LTBP2: variants seen among roughly 807,000 people sequenced by gnomAD.
LTBP2 encodes latent transforming growth factor beta binding protein 2, also known as latent-transforming growth factor beta-binding protein 2.
Under a neutral mutation model 210.6 loss-of-function variants are expected in LTBP2, and 103 were observed. The ratio of observed to expected loss-of-function variants is 0.49; its 90% CI spans 0.42 to 0.58. The LOEUF (loss-of-function observed/expected upper bound fraction) is 0.58, where lower values mean the gene tolerates loss of function less well. LTBP2 is among the 20% of genes least tolerant of loss of function. The pLI is 0.00. For missense variants in LTBP2, 2,313 were observed against 2,494.5 expected (o/e 0.93, Z 1.55); for synonymous variants, 1,007 against 1,015.0 (o/e 0.99, Z 0.15).
rs2087046749 is a variant in LTBP2, at chr14:74,509,807, G to T, written c.3204C>A (p.Asn1068Lys). Residue 1068 changes from asparagine (N) to lysine (K), a missense_variant, in exon 21 of 36, where the codon AAC (asparagine) becomes AAA (lysine). Physicochemically the swap from Asn to Lys is moderately conservative, Grantham distance 94. Coordinates refer to ENST00000261978, the MANE Select transcript of LTBP2 (RefSeq NM_000428.3). ...RASCPTGLCL[N>K]TEGSFACSAC... Reference sequence around the variant, plus strand: ...CAGAGCAGGCGAAGGAGCCCTCCGTGTTGAGGCAGAGGCCTGTGGGGCATG... The same window carrying T: ...CAGAGCAGGCGAAGGAGCCCTCCGTTTTGAGGCAGAGGCCTGTGGGGCATG... The T allele has an allele frequency of 1.2e-6, 2 of 1,613,990 alleles. No individual in the cohort carries two copies. Among genetic ancestry groups the T allele is most frequent in the South Asian group, 2.2e-5 (2 of 91,092 alleles).
intron 3 of LTBP2, among the ~76,000 whole-genome samples, chr14:74,560,596 C>A (rs1406895241): frequency 6.6e-6 from 1 of 152,210 alleles, no homozygotes; most frequent in African/African-American, 2.4e-5. Context: ...GTGCCCTCTA[C>A]CCCATTCACC....
At position 74,501,552 on chromosome 14, in the gene LTBP2, A is replaced by G. The variant is rs759927089; in HGVS notation, c.5209T>C (p.Cys1737Arg). 6.2e-7 allele frequency: 1 copy of G among 1,613,758 alleles called. No individual in the cohort carries two copies. The highest frequency in any genetic ancestry group is 1.1e-5 in the South Asian group (1 of 91,052). The change falls in exon 35 of 36, where the codon TGC (cysteine) becomes CGC (arginine). Residue 1737 changes from cysteine (C) to arginine (R), a missense_variant. Physicochemically the swap from Cys to Arg is radical, Grantham distance 180 (BLOSUM62 -3). Transcript: ENST00000261978. ...TTCTCACAGCCGTTCAGGATGCCGC[A>G]CTCCTCCGCCTGAAGCCCTTCGAAG... is the stretch of plus-strand genomic sequence containing the variant. ...AGFEGLQAEE[C>R]GILNGCENGR...
Position 74,551,194 on chromosome 14 carries a change from G to C in LTBP2, c.1556C>G (p.Pro519Arg). Reference protein sequence around the residue: ...TRPPPWLPASPGHSLWDSNNI... With the variant: ...TRPPPWLPASRGHSLWDSNNI... Reference sequence around the variant, plus strand: ...GTTGCTGTCCCAGAGGCTGTGGCCAGGGCTGGCAGGCAGCCAGGGCGGGGG... The same window carrying C: ...GTTGCTGTCCCAGAGGCTGTGGCCACGGCTGGCAGGCAGCCAGGGCGGGGG... Residue 519 changes from proline to arginine, a missense_variant, in exon 7 of 36, where the codon CCT (proline) becomes CGT (arginine). Transcript: ENST00000261978. The C allele has an allele frequency of 6.2e-7, 1 of 1,613,758 alleles. No homozygotes were observed.
chr14:74,565,095 G>A (rs768897536), intron 3 of LTBP2, among the ~76,000 whole-genome samples: 5 of 152,144 alleles, frequency 3.3e-5, no homozygotes, highest in African/African-American at 9.7e-5. Context: ...GACCCGGTCC[G>A]AAGAACAGCT....
intron 28 of LTBP2, 45 bp from the exon 29 acceptor site, chr14:74,505,219 A>C: frequency 6.3e-7 from 1 of 1,581,850 alleles, no homozygotes; most frequent in South Asian, 1.1e-5. Flanking sequence ...TGACCCTCTA[A>C]GGGGGGTCAA....
chr14:74,593,525 G>A (rs956689163), intron 2 of LTBP2, among the ~76,000 whole-genome samples: 5 of 152,228 alleles, frequency 3.3e-5, no homozygotes, highest in Admixed American at 6.5e-5. Context: ...GCACCTGGAC[G>A]TGGGTGTACT....
chr14:74,598,387 A>C (rs114954343), intron 2 of LTBP2, among the ~76,000 whole-genome samples: 2,698 of 152,274 alleles, frequency 0.018, 87 homozygotes, highest in African/African-American at 0.062. Context: ...TCCCCTGAAC[A>C]CCGTGGGGAG....
chr14:74,562,030 T>C (rs886766631), intron 3 of LTBP2, among the ~76,000 whole-genome samples: 3 of 152,112 alleles, frequency 2.0e-5, no homozygotes, highest in Admixed American at 1.3e-4. Context: ...GCCAACATGC[T>C]GAAACGCTGT....
Position 74,511,495 on chromosome 14 carries a change from G to C in LTBP2, c.2909-131C>G. 6.0e-6 allele frequency: 7 copies of C among 1,172,890 alleles called. No homozygotes were observed. The South Asian group carries it at 8.7e-5, about 15-fold the overall frequency. 72.7% of individuals were successfully genotyped at this position (1,172,890 alleles called of 1,614,324 possible). A position where few individuals can be genotyped will look rare whatever the true frequency, so the allele number is the denominator to read the frequency against. On this transcript the variant is annotated intron_variant, in intron 18 of 35. Transcript: ENST00000261978. ...GGACAGAGGGAAACTAGGAAAGAAT[G>C]AGAGCTGCCCTGTGTTCCCAACTCC...
At chr14:74,587,325 G>A (rs1480609129) in intron 2 of LTBP2, among the ~76,000 whole-genome samples, 1 of 152,008 alleles carries the variant, frequency 6.6e-6, no homozygotes, top group Non-Finnish European at 1.5e-5. Flanking sequence ...GCTTGCGGTC[G>A]AGTAAAGGAC....
intron 3 of LTBP2, among the ~76,000 whole-genome samples, chr14:74,567,659 G>C (rs1769048801): frequency 6.6e-6 from 1 of 152,140 alleles, no homozygotes. Flanking sequence ...CTCGGCGGGG[G>C]ACACAGACCC....
chr14:74,502,797 A>AG lies in LTBP2; in HGVS notation c.5025dup (p.Phe1676LeufsTer13), dbSNP rs1452423193. The stretch of plus-strand genomic sequence containing the variant: ...TCCTCGGGGCCCAGGTAGTTGTAGA[A>AG]GGGGGCCCCATCTGGGCCATAGATG... On this transcript the variant is annotated frameshift_variant, in exon 34 of 36. Transcript: ENST00000261978. LOFTEE classifies it high-confidence loss of function. 6.2e-7 allele frequency: 1 copy of AG among 1,614,062 alleles called. No individual in the cohort carries two copies. Among genetic ancestry groups the AG allele is most frequent in the South Asian group, 1.1e-5 (1 of 91,082 alleles).
In LTBP2 at chr14:74,521,966, G is replaced by A; in HGVS notation, c.2733C>T (p.Cys911=). 1 of 1,614,208 alleles carries A rather than the reference G, an allele frequency of 6.2e-7. No individual in the cohort carries two copies. Among genetic ancestry groups the A allele is most frequent in the Non-Finnish European group, 8.5e-7 (1 of 1,180,012 alleles). The part of the protein sequence containing the change: ...RCINRVGSYS[C]FCYPGYTLAT... ...CCAGAGTGTAGCCAGGGTAGCAGAA[G>A]CAGGAGTAGGACCCCACGCGGTTGA... Residue 911 remains cysteine, a synonymous_variant, in exon 17 of 36, where the codon TGC becomes TGT. Coordinates refer to ENST00000261978, the MANE Select transcript of LTBP2 (RefSeq NM_000428.3).
At position 74,533,600 on chromosome 14, in the gene LTBP2, T is replaced by C. The variant is rs564571848; in HGVS notation, c.1865-1052A>G. On this transcript the variant is annotated intron_variant, in intron 9 of 35. Coordinates refer to ENST00000261978, the MANE Select transcript of LTBP2 (RefSeq NM_000428.3). ...GGGAAGGGGACAGCAGGGGTCACAGTTAAGAGTGTGCAAAGGTTGAGGGTC... is the reference window on the plus strand; with the variant it reads ...GGGAAGGGGACAGCAGGGGTCACAGCTAAGAGTGTGCAAAGGTTGAGGGTC... Among the ~76,000 whole-genome samples, 77 of 152,234 alleles carry C rather than the reference T, an allele frequency of 5.1e-4. 1 individual carries two copies. Among genetic ancestry groups the C allele is most frequent in the African/African-American group, 1.8e-3 (76 of 41,538 alleles).
chr14:74,534,091 G>T (rs1424303598), intron 9 of LTBP2, among the ~76,000 whole-genome samples: 1 of 152,164 alleles, frequency 6.6e-6, no homozygotes, highest in Non-Finnish European at 1.5e-5. Context: ...GTGGCAGGGT[G>T]CCAATAAGAG....
intron 19 of LTBP2, 48 bp from the exon 20 acceptor site, chr14:74,510,261 G>T: frequency 6.2e-7 from 1 of 1,607,874 alleles, no homozygotes; most frequent in Non-Finnish European, 8.5e-7. Flanking sequence ...TCCCCATCCT[G>T]CAGCCCCCGC....
chr14:74,508,478 G>C (rs989449132), intron 24 of LTBP2, 126 bp downstream of exon 24: 3 of 1,504,844 alleles, frequency 2.0e-6, no homozygotes, highest in African/African-American at 2.8e-5. Flanking sequence ...CTTGCTCTCA[G>C]TACTGGTATT....
At chr14:74,528,092 G>A (rs538209711) in intron 12 of LTBP2, among the ~76,000 whole-genome samples, 1 of 152,286 alleles carries the variant, frequency 6.6e-6, no homozygotes, top group South Asian at 2.1e-4. Context: ...TGACTCCAAG[G>A]CCGGGCCAGG....
intron 8 of LTBP2, among the ~76,000 whole-genome samples, chr14:74,538,552 C>T (rs1469811133): frequency 6.6e-6 from 1 of 152,116 alleles, no homozygotes; most frequent in Non-Finnish European, 1.5e-5. Context: ...CCAGTAAACA[C>T]AGCACTGTGA....
Sources: gnomAD v4.1 joint callset for allele counts (sites outside exome capture counted in the v4.1 genomes callset) on GRCh38, gnomAD v4.1.1 for gene constraint, MANE v1.5 for transcripts, NCBI Gene and HGNC (gene_info 2026-07-23, HGNC 2026-07-21) for gene names.